Variants in PCDH7 observed in about 807,000 individuals in gnomAD.
PCDH7 encodes protocadherin-7.
PCDH7 carries 17 observed loss-of-function variants against 58.9 expected under a neutral mutation model. That is an observed-to-expected ratio of 0.29 (90% CI 0.20 to 0.43). The LOEUF is 0.43. Among genes scored for constraint, PCDH7 ranks in the 20% least tolerant of loss-of-function variants. The probability of loss-of-function intolerance (pLI) is 1.00; values close to 1 mark genes in which losing one functional copy is unlikely to be tolerated. For synonymous variants in PCDH7, 664 were observed against 616.4 expected (o/e 1.08, Z -1.14); for missense variants, 1,274 against 1,441.0 (o/e 0.88, Z 1.88).
intron 3 of PCDH7, among the ~76,000 whole-genome samples, chr4:31,134,124 C>T (rs1240246742): frequency 6.6e-6 from 1 of 152,030 alleles, no homozygotes; most frequent in African/African-American, 2.4e-5. Context: ...ATTGTACTTG[C>T]AGTGATATTG....
rs147064551 is a variant in PCDH7 at position 30,723,078 on chromosome 4, G to C, written c.1656G>C (p.Glu552Asp). The C allele has an allele frequency of 3.7e-6, 6 of 1,613,788 alleles. No individual in the cohort carries two copies. The highest frequency in any genetic ancestry group is 5.1e-6 in the Non-Finnish European group (6 of 1,180,040). The change falls in exon 1 of 2, where the codon GAG (glutamate) becomes GAC (aspartate). Residue 552 changes from glutamate to aspartate, a missense_variant. By Grantham distance (45) the Glu-to-Asp change is conservative. This residue lies in a region of PCDH7 where 731 missense variants were observed against 881.9 expected (regional missense o/e 0.83). Coordinates refer to ENST00000361762, the Ensembl canonical transcript of PCDH7. The surrounding 1 kb of genome is among the most constrained non-coding windows in gnomAD (Gnocchi z 4.6). The stretch of plus-strand genomic sequence containing the variant: ...TCCCTGAGAACAACATCCCGGGCGA[G>C]AGGGTGGCCACGGTGCTGGCGACAG...
At chr4:30,997,896 AT>A (rs1752042723) in intron 3 of PCDH7, among the ~76,000 whole-genome samples, 1 of 151,934 alleles carries the variant, frequency 6.6e-6, no homozygotes, top group South Asian at 2.1e-4. Context: ...AAAGTTGTTG[AT>A]TTTGTGTGTG....
At chr4:31,027,072 C>T (rs138853652) in intron 3 of PCDH7, among the ~76,000 whole-genome samples, 13 of 152,256 alleles carry the variant, frequency 8.5e-5, no homozygotes, top group East Asian at 1.9e-4. Context: ...CACAAACTTT[C>T]GTTCATGATT....
At chr4:31,028,677 C>G (rs1553928486) in intron 3 of PCDH7, among the ~76,000 whole-genome samples, 1 of 150,536 alleles carries the variant, frequency 6.6e-6, no homozygotes, top group Non-Finnish European at 1.5e-5. Context: ...AAAAAATACC[C>G]AAACTTTAGG....
chr4:30,977,056 A>T (rs1197713330), intron 3 of PCDH7, among the ~76,000 whole-genome samples: 3 of 152,150 alleles, frequency 2.0e-5, no homozygotes, highest in Non-Finnish European at 4.4e-5. Flanking sequence ...TTTAATATTG[A>T]AGACTTTAAT....
chr4:30,903,834 A>ATT lies in PCDH7; in HGVS notation c.71-16312_71-16311dup, dbSNP rs375957737. 9.9e-3 allele frequency among the ~76,000 whole-genome samples: 1,498 copies of ATT among 151,918 alleles called. 23 individuals are homozygous for ATT. Among genetic ancestry groups the ATT allele is most frequent in the African/African-American group, 0.034 (1,415 of 41,444 alleles). On this transcript the variant is annotated intron_variant, in intron 1 of 3. Coordinates refer to the PCDH7 transcript ENST00000509759. Reference sequence around the variant, plus strand: ...GGATTCCAGAGACCTAGCCTACTTCATTTTTTTTGTTTTTGGTGTTTTTTT... The same window carrying ATT: ...GGATTCCAGAGACCTAGCCTACTTCATTTTTTTTTTGTTTTTGGTGTTTTTTT...
chr4:30,736,535 ATTT>A (rs35719962), downstream of PCDH7, among the ~76,000 whole-genome samples: 32 of 134,582 alleles, frequency 2.4e-4, no homozygotes, highest in Admixed American at 1.3e-3. Flanking sequence ...ATTTTCATTT[ATTT>A]TTTTTTTTTT....
intron 3 of PCDH7, among the ~76,000 whole-genome samples, chr4:31,093,424 T>C (rs1223670892): frequency 6.6e-6 from 1 of 152,116 alleles, no homozygotes; most frequent in South Asian, 2.1e-4. Context: ...TACAGCCTTC[T>C]TTCTACTTTT....
chr4:30,810,648 G>A (rs1726875238), intron 1 of PCDH7, among the ~76,000 whole-genome samples: 1 of 143,534 alleles, frequency 7.0e-6, no homozygotes, highest in South Asian at 2.2e-4. Flanking sequence ...GTCTCACTCT[G>A]TCACCCAGGC....
intron 3 of PCDH7, among the ~76,000 whole-genome samples, chr4:31,048,532 T>A (rs1247556887): frequency 6.6e-6 from 1 of 152,144 alleles, no homozygotes; most frequent in Admixed American, 6.6e-5. Context: ...AGCAAAGAAT[T>A]ACTTTGCAGG....
chr4:30,813,212 A>G (rs1179933597), intron 1 of PCDH7, among the ~76,000 whole-genome samples: 1 of 152,208 alleles, frequency 6.6e-6, no homozygotes, highest in Non-Finnish European at 1.5e-5. Flanking sequence ...AAATACGGAG[A>G]TAGATCTATT....
chr4:31,118,432 C>T (rs1025700090), intron 3 of PCDH7, among the ~76,000 whole-genome samples: 1 of 151,996 alleles, frequency 6.6e-6, no homozygotes, highest in Non-Finnish European at 1.5e-5. Flanking sequence ...TATGCCTCTG[C>T]CTAGCCAAGT....
chr4:30,993,043 C>T (rs1352297201), intron 3 of PCDH7, among the ~76,000 whole-genome samples: 1 of 152,218 alleles, frequency 6.6e-6, no homozygotes, highest in African/African-American at 2.4e-5. Flanking sequence ...AGGTGATCTG[C>T]CCGTCTTGGC....
At chr4:31,080,938 G>A (rs753689785) in intron 3 of PCDH7, among the ~76,000 whole-genome samples, 8 of 152,104 alleles carry the variant, frequency 5.3e-5, no homozygotes, top group Admixed American at 2.6e-4. Context: ...TTCCCCTTTC[G>A]CTTGGCTTTC....
At chr4:31,108,034 A>AT (rs1176981192) in intron 3 of PCDH7, among the ~76,000 whole-genome samples, 1 of 152,098 alleles carries the variant, frequency 6.6e-6, no homozygotes, top group Admixed American at 6.6e-5. Flanking sequence ...GTACTTCTGC[A>AT]TTTTTTAGTT....
At chr4:30,995,236 G>C (rs796587992) in intron 3 of PCDH7, among the ~76,000 whole-genome samples, 2 of 152,210 alleles carry the variant, frequency 1.3e-5, no homozygotes, top group Admixed American at 1.3e-4. Context: ...GATGAATGAC[G>C]GCCCAGCACG....
intron 3 of PCDH7, among the ~76,000 whole-genome samples, chr4:30,973,530 G>C (rs1749786677): frequency 6.6e-6 from 1 of 152,142 alleles, no homozygotes; most frequent in South Asian, 2.1e-4. Context: ...TAATAATTGA[G>C]ATGTGAGGAA....
At chr4:31,052,140 C>T (rs548171322) in intron 3 of PCDH7, among the ~76,000 whole-genome samples, 11 of 152,054 alleles carry the variant, frequency 7.2e-5, no homozygotes, top group African/African-American at 2.7e-4. Context: ...TTGTTTAAGG[C>T]ATTAGAGAAG....
At chr4:31,013,930 C>T (rs1753408928) in intron 3 of PCDH7, among the ~76,000 whole-genome samples, 1 of 151,986 alleles carries the variant, frequency 6.6e-6, no homozygotes, top group Non-Finnish European at 1.5e-5. Context: ...TGGGGATTTC[C>T]AGCTTAGGCT....
Sources: allele counts gnomAD v4.1 joint callset (sites outside exome capture counted in the v4.1 genomes callset), GRCh38; gene constraint gnomAD v4.1.1; regional missense constraint gnomAD v4.1.1; non-coding constraint Gnocchi (gnomAD v3.1); transcripts MANE v1.5; gene names NCBI Gene and HGNC (gene_info 2026-07-23, HGNC 2026-07-21).